Variants in MIR2052HG observed in about 807,000 individuals in gnomAD.
MIR2052HG encodes MIR2052 host gene.
intron 2 of MIR2052HG, among the ~76,000 whole-genome samples, chr8:74,623,033 T>C (rs1357799440): frequency 6.6e-6 from 1 of 152,148 alleles, no homozygotes; most frequent in African/African-American, 2.4e-5. Context: ...AGAACACAAA[T>C]TTCAGTAAGA....
intron 4 of MIR2052HG, among the ~76,000 whole-genome samples, chr8:74,736,088 A>G (rs924015767): frequency 1.3e-5 from 2 of 152,314 alleles, no homozygotes; most frequent in African/African-American, 2.4e-5. Flanking sequence ...CTTAAAATGT[A>G]TATCTAGGTT....
intron 2 of MIR2052HG, among the ~76,000 whole-genome samples, chr8:74,701,785 C>T (rs1809360702): frequency 6.6e-6 from 1 of 152,042 alleles, no homozygotes; most frequent in Non-Finnish European, 1.5e-5. Flanking sequence ...GTGCTTGGCA[C>T]CAGAAAGTCA....
intron 2 of MIR2052HG, among the ~76,000 whole-genome samples, chr8:74,693,445 AGG>A (rs988291338): frequency 6.6e-6 from 1 of 151,978 alleles, no homozygotes; most frequent in Non-Finnish European, 1.5e-5. Context: ...AGGGGGTGAA[AGG>A]GGAGTGCAGA....
intron 4 of MIR2052HG, among the ~76,000 whole-genome samples, chr8:74,723,121 G>T (rs536122428): frequency 6.6e-6 from 1 of 152,308 alleles, no homozygotes; most frequent in Non-Finnish European, 1.5e-5. Context: ...TGAAGAAAAT[G>T]TCTTGCCTGT....
At chr8:74,621,057 G>C (rs111380686) in intron 2 of MIR2052HG, among the ~76,000 whole-genome samples, 3,659 of 152,236 alleles carry the variant, frequency 0.024, 86 homozygotes, top group Admixed American at 0.065. Context: ...GCATAGCAAG[G>C]GTGACCTTTA....
intron 4 of MIR2052HG, among the ~76,000 whole-genome samples, chr8:74,718,405 C>T (rs141586192): frequency 6.6e-6 from 1 of 152,050 alleles, no homozygotes; most frequent in South Asian, 2.1e-4. Flanking sequence ...TGTCTTGTTG[C>T]TCCTCCAATC....
At chr8:74,599,835 G>A (rs951212537) in exon 1 of MIR2052HG, 11 of 158,464 alleles carry the variant, frequency 6.9e-5, no homozygotes, top group South Asian at 5.7e-4. Context: ...CCTCGCTGCC[G>A]CCTTGCAGTT....
At chr8:74,714,846 A>T (rs1809505361) in intron 4 of MIR2052HG, among the ~76,000 whole-genome samples, 1 of 151,862 alleles carries the variant, frequency 6.6e-6, no homozygotes, top group Non-Finnish European at 1.5e-5. Context: ...CTGGGATTAC[A>T]GGCGCTGCTG....
intron 1 of MIR2052HG, among the ~76,000 whole-genome samples, chr8:74,602,853 C>CTTTCTTTCTTTCTTTCTTTCT (rs1808034194): frequency 7.0e-6 from 1 of 143,820 alleles, no homozygotes; most frequent in African/African-American, 2.6e-5. Flanking sequence ...TTCTTTCTTT[C>CTTTCTTTCTTTCTTTCTTTCT]TTTCTTTCTT....
chr8:74,626,146 T>C lies in MIR2052HG; in HGVS notation n.216+13206T>C, dbSNP rs565273325. Among the ~76,000 whole-genome samples, 17 of 152,298 alleles carry C rather than the reference T, an allele frequency of 1.1e-4. No individual in the cohort carries two copies. In the East Asian group the frequency reaches 3.3e-3, roughly 29 times the overall value. On this transcript the variant is annotated intron_variant and non_coding_transcript_variant, in intron 2 of 6. Coordinates refer to ENST00000523442, the Ensembl canonical transcript of MIR2052HG. ...GTGGGTGCCCCGGGAGAACAGCACC[T>C]CCTTGGCTCACTCAGAGCAGAGCAG...
At position 74,674,002 on chromosome 8, in the gene MIR2052HG, G is replaced by GT. The variant is rs200810742; in HGVS notation, n.217-28368dup. On this transcript the variant is annotated intron_variant and non_coding_transcript_variant, in intron 2 of 6. Coordinates refer to ENST00000523442, the Ensembl canonical transcript of MIR2052HG. ...TGTGCCCAGAGAAGCCTTTTTTTATGTTTTTTTTTAAACAAGCAATTAGTC... is the reference window on the plus strand; with the variant it reads ...TGTGCCCAGAGAAGCCTTTTTTTATGTTTTTTTTTTAAACAAGCAATTAGTC... 9.5e-3 allele frequency among the ~76,000 whole-genome samples: 1,397 copies of GT among 147,334 alleles called. 8 individuals carry two copies. The highest frequency in any genetic ancestry group is 0.015 in the Non-Finnish European group (983 of 66,694).
rs148977495 is a variant in MIR2052HG, at chr8:74,648,077, T to A, written n.216+35137T>A. 4.6e-3 allele frequency among the ~76,000 whole-genome samples: 694 copies of A among 152,304 alleles called. 5 individuals are homozygous for A. The highest frequency in any genetic ancestry group is 0.016 in the African/African-American group (648 of 41,582). ...AATAAGGAAAGATAACCATAATGTC[T>A]GACTGCCTTCAGGTTTGGGCAGAAT... On this transcript the variant is annotated intron_variant and non_coding_transcript_variant, in intron 2 of 6. Transcript: ENST00000523442.
At chr8:74,719,893 G>C (rs1390776558) in intron 4 of MIR2052HG, among the ~76,000 whole-genome samples, 1 of 137,772 alleles carries the variant, frequency 7.3e-6, no homozygotes, top group African/African-American at 2.6e-5. Flanking sequence ...CTGTCGCCAG[G>C]CTGGAGTGCA....
intron 2 of MIR2052HG, among the ~76,000 whole-genome samples, chr8:74,667,768 G>A (rs1808947042): frequency 6.6e-6 from 1 of 152,040 alleles, no homozygotes; most frequent in Non-Finnish European, 1.5e-5. Context: ...ATTAATTGTG[G>A]GCATGGGATG....
chr8:74,642,848 C>T (rs1047455678), intron 2 of MIR2052HG, among the ~76,000 whole-genome samples: 36 of 152,274 alleles, frequency 2.4e-4, no homozygotes, highest in Non-Finnish European at 4.0e-4. Context: ...GGTTTCATTG[C>T]GTGTCCAGCA....
chr8:74,678,379 T>G (rs1018647849), intron 2 of MIR2052HG, among the ~76,000 whole-genome samples: 4 of 151,840 alleles, frequency 2.6e-5, no homozygotes, highest in African/African-American at 9.7e-5. Flanking sequence ...GCCAACATGG[T>G]GAAACCCCGT....
At chr8:74,648,123 C>T (rs1226083348) in intron 2 of MIR2052HG, among the ~76,000 whole-genome samples, 1 of 152,048 alleles carries the variant, frequency 6.6e-6, no homozygotes. Flanking sequence ...TTTTCTTCTC[C>T]CAGAAAGCTA....
chr8:74,745,045 G>A (rs1323140626), intron 4 of MIR2052HG, among the ~76,000 whole-genome samples: 1 of 152,004 alleles, frequency 6.6e-6, no homozygotes, highest in Non-Finnish European at 1.5e-5. Context: ...ATTGCTTAAG[G>A]CCAGGAGTTC....
chr8:74,714,698 CTTTTTTTTT>C, intron 4 of MIR2052HG, among the ~76,000 whole-genome samples: 1 of 124,446 alleles, frequency 8.0e-6, no homozygotes, highest in South Asian at 2.5e-4. Context: ...CTTTTTCCTT[CTTTTTTTTT>C]TTTTTTTTTT....
Sources: gnomAD v4.1 joint callset for allele counts (sites outside exome capture counted in the v4.1 genomes callset) on GRCh38, gnomAD v4.1.1 for gene constraint, MANE v1.5 for transcripts, NCBI Gene and HGNC (gene_info 2026-07-23, HGNC 2026-07-21) for gene names.